The following OSBPL6 variants were observed in gnomAD, a reference collection of about 807,000 sequenced individuals.
The protein encoded by OSBPL6 is oxysterol binding protein like 6, also known as oxysterol-binding protein-related protein 6.
Under a neutral mutation model 125.8 loss-of-function variants are expected in OSBPL6, and 49 were observed. That is an observed-to-expected ratio of 0.39 (90% CI 0.31 to 0.49). The LOEUF (loss-of-function observed/expected upper bound fraction) is 0.49, where lower values mean the gene tolerates loss of function less well. OSBPL6 is among the 20% of genes least tolerant of loss of function. The pLI, the probability that OSBPL6 is intolerant of heterozygous loss-of-function variation, is 0.88. For synonymous variants in OSBPL6, 394 were observed against 391.8 expected (o/e 1.01, Z -0.07); for missense variants, 986 against 1,135.4 (o/e 0.87, Z 1.89).
At chr2:178,371,859 G>T (rs1300230084) in intron 13 of OSBPL6, among the ~76,000 whole-genome samples, 1 of 152,102 alleles carries the variant, frequency 6.6e-6, no homozygotes, top group East Asian at 1.9e-4. Context: ...CTAAAGGAAA[G>T]AAAATTTCAT....
At chr2:178,279,475 T>G (rs570710798) in intron 1 of OSBPL6, among the ~76,000 whole-genome samples, 5 of 152,348 alleles carry the variant, frequency 3.3e-5, no homozygotes, top group Non-Finnish European at 7.3e-5. Flanking sequence ...CTGGTTAGTG[T>G]GGGAAATTTT....
At chr2:178,310,412 CTTTTT>C (rs71023440) in intron 3 of OSBPL6, among the ~76,000 whole-genome samples, 8 of 85,714 alleles carry the variant, frequency 9.3e-5, no homozygotes, top group Admixed American at 1.5e-4. Flanking sequence ...AAACTGAACT[CTTTTT>C]TTTTTTTTTT....
chr2:178,364,952 G>A (rs1188320705), intron 13 of OSBPL6, among the ~76,000 whole-genome samples: 1 of 152,216 alleles, frequency 6.6e-6, no homozygotes. Context: ...GCCGAGGTGG[G>A]TGGATCATGA....
chr2:178,360,397 C>T lies in OSBPL6; in HGVS notation c.1154-1285C>T, dbSNP rs374882800. Reference sequence around the variant, plus strand: ...GTGGGGGGGCGGGAAATGGATAAGACGATGGATATGTTAATTTGTTCCACC... The same window carrying T: ...GTGGGGGGGCGGGAAATGGATAAGATGATGGATATGTTAATTTGTTCCACC... On this transcript the variant is annotated intron_variant, in intron 12 of 24. Transcript: ENST00000190611. 7.9e-5 allele frequency among the ~76,000 whole-genome samples: 12 copies of T among 152,124 alleles called. No individual in the cohort carries two copies. The South Asian group carries it at 2.1e-3, about 26-fold the overall frequency.
chr2:178,350,549 G>A (rs1691156717), intron 12 of OSBPL6, among the ~76,000 whole-genome samples: 1 of 152,138 alleles, frequency 6.6e-6, no homozygotes, highest in Non-Finnish European at 1.5e-5. Flanking sequence ...TATGCTGTCA[G>A]ATTTCATTAA....
chr2:178,275,919 C>T lies in OSBPL6; in HGVS notation c.-350-9008C>T, dbSNP rs1013297186. ...AGCTACTTTTTCCAGATGAGGAACC[C>T]GAGGCACAGAGAAGTAAAATAATTT... On this transcript the variant is annotated intron_variant, in intron 1 of 24. Transcript: ENST00000190611. 2.0e-5 allele frequency among the ~76,000 whole-genome samples: 3 copies of T among 152,072 alleles called. No homozygotes were observed. The East Asian group carries it at 5.8e-4, about 29-fold the overall frequency.
intron 23 of OSBPL6, among the ~76,000 whole-genome samples, chr2:178,393,713 T>G (rs1695606101): frequency 6.6e-6 from 1 of 152,240 alleles, no homozygotes; most frequent in African/African-American, 2.4e-5. Context: ...TGCTTTTTCC[T>G]TCTCAATTCT....
chr2:178,381,544 A>T (rs893702828), intron 15 of OSBPL6, among the ~76,000 whole-genome samples: 1 of 151,966 alleles, frequency 6.6e-6, no homozygotes, highest in Non-Finnish European at 1.5e-5. Flanking sequence ...TAGTAGAGAC[A>T]GGGTTTCACC....
chr2:178,387,284 C>T, intron 20 of OSBPL6, 145 bp downstream of exon 20: 1 of 591,964 alleles, frequency 1.7e-6, no homozygotes, highest in South Asian at 2.2e-5. Context: ...AGAATAGACT[C>T]CCACAAAAAC....
chr2:178,301,559 G>A (rs994068039), intron 2 of OSBPL6, among the ~76,000 whole-genome samples: 1 of 152,160 alleles, frequency 6.6e-6, no homozygotes, highest in Non-Finnish European at 1.5e-5. Flanking sequence ...TGTAACTGGA[G>A]TCAATTTAAA....
At chr2:178,200,669 T>A (rs2089199084) in intron 1 of OSBPL6, among the ~76,000 whole-genome samples, 1 of 152,226 alleles carries the variant, frequency 6.6e-6, no homozygotes, top group Non-Finnish European at 1.5e-5. Context: ...AGGATGGTGA[T>A]GGAGTGTTGT....
chr2:178,328,326 A>G lies in OSBPL6; in HGVS notation c.266A>G (p.His89Arg), dbSNP rs764353818. The change falls in exon 5 of 25, where the codon CAT becomes CGT. Residue 89 changes from histidine (H) to arginine (R), a missense_variant. Coordinates refer to ENST00000190611, the MANE Select transcript of OSBPL6 (RefSeq NM_032523.4). ...ACCAATGTCCAGAAACCAGACAAAC[A>G]TGAGGGCTTTATGCTGAAGAAAAGA... ...GQTNVQKPDK[H>R]EGFMLKKRKW... 15 of 1,613,872 alleles carry G rather than the reference A, an allele frequency of 9.3e-6. No individual in the cohort carries two copies. Among genetic ancestry groups the G allele is most frequent in the Admixed American group, 1.7e-5 (1 of 60,004 alleles).
chr2:178,367,307 G>A (rs1465460462), intron 13 of OSBPL6, among the ~76,000 whole-genome samples: 1 of 152,116 alleles, frequency 6.6e-6, no homozygotes, highest in Admixed American at 6.6e-5. Context: ...TTTTGTAATT[G>A]AAAAAGCAAG....
Position 178,333,012 on chromosome 2 carries a change from G to A in OSBPL6, c.628G>A (p.Ala210Thr). ...AACGTCCACAGCTGAATCCTCACCA[G>A]CTGCTAATGTTTCTGTAATGGATGG... is the stretch of plus-strand genomic sequence containing the variant. ...PSTSTAESSP[A>T]ANVSVMDGKM... Residue 210 changes from alanine (A) to threonine (T), a missense_variant, in exon 8 of 25, where the codon GCT becomes ACT. By Grantham distance (58) the Ala-to-Thr change is moderately conservative (BLOSUM62 0). This residue lies in a region of OSBPL6 where 843 missense variants were observed against 997.3 expected (regional missense o/e 0.85). Transcript: ENST00000190611. The A allele has an allele frequency of 6.2e-7, 1 of 1,614,096 alleles. No individual in the cohort carries two copies. Among genetic ancestry groups the A allele is most frequent in the South Asian group, 1.1e-5 (1 of 91,064 alleles).
intron 1 of OSBPL6, among the ~76,000 whole-genome samples, chr2:178,238,420 A>G (rs1048474851): frequency 2.6e-5 from 4 of 152,166 alleles, no homozygotes; most frequent in South Asian, 2.1e-4. Flanking sequence ...TTACGTAATA[A>G]TGGCCCCAAA....
intron 20 of OSBPL6, among the ~76,000 whole-genome samples, chr2:178,387,822 G>A (rs1360895119): frequency 6.6e-6 from 1 of 152,064 alleles, no homozygotes; most frequent in Non-Finnish European, 1.5e-5. Context: ...GGCTAACAAG[G>A]TGAAACCCCA....
intron 5 of OSBPL6, among the ~76,000 whole-genome samples, chr2:178,329,387 G>A (rs1430971055): frequency 2.6e-5 from 4 of 151,012 alleles, no homozygotes; most frequent in African/African-American, 9.7e-5. Flanking sequence ...TACATTTTCA[G>A]TTTAAACTAT....
chr2:178,298,526 C>A, intron 2 of OSBPL6, among the ~76,000 whole-genome samples: 1 of 152,112 alleles, frequency 6.6e-6, no homozygotes, highest in Non-Finnish European at 1.5e-5. Context: ...CAGGTTCAAG[C>A]AATTCTCCTG....
At chr2:178,210,668 C>T (rs547743220) in intron 1 of OSBPL6, among the ~76,000 whole-genome samples, 5 of 152,016 alleles carry the variant, frequency 3.3e-5, no homozygotes, top group Non-Finnish European at 5.9e-5. Flanking sequence ...AAAAATAAGC[C>T]GGGCATTGTG....
Sources: gnomAD v4.1 joint callset for allele counts (sites outside exome capture counted in the v4.1 genomes callset) on GRCh38, gnomAD v4.1.1 for gene constraint, gnomAD v4.1.1 regional missense constraint, MANE v1.5 for transcripts, NCBI Gene and HGNC (gene_info 2026-07-23, HGNC 2026-07-21) for gene names.